CSF1R: variants seen among roughly 807,000 people sequenced by gnomAD.
CSF1R encodes macrophage colony-stimulating factor 1 receptor.
A neutral mutation model predicts 110.0 loss-of-function variants in CSF1R; 40 were observed. The observed-to-expected ratio is 0.36, with a 90% CI of 0.28 to 0.47. CSF1R has a LOEUF of 0.47. CSF1R is among the 20% of genes least tolerant of loss of function. CSF1R has a pLI of 0.99. For synonymous variants in CSF1R, 523 were observed against 503.4 expected (o/e 1.04, Z -0.52); for missense variants, 1,052 against 1,253.0 (o/e 0.84, Z 2.42).
chr5:150,098,805 C>T (rs1343599514), intron 1 of CSF1R, among the ~76,000 whole-genome samples: 1 of 151,582 alleles, frequency 6.6e-6, no homozygotes, highest in Non-Finnish European at 1.5e-5. Flanking sequence ...AATGAAATAC[C>T]ACTACATACT....
chr5:150,086,107 G>A (rs1046372905), intron 1 of CSF1R, among the ~76,000 whole-genome samples: 1 of 152,178 alleles, frequency 6.6e-6, no homozygotes, highest in Non-Finnish European at 1.5e-5. Context: ...GGACACTGAA[G>A]CCTCAAGAGT....
At position 150,073,420 on chromosome 5, in the gene CSF1R, G is replaced by A. The variant is rs2113815353; in HGVS notation, c.963C>T (p.Leu321=). 6.2e-7 allele frequency: 1 copy of A among 1,614,122 alleles called. No individual in the cohort carries two copies. Among genetic ancestry groups the A allele is most frequent in the South Asian group, 1.1e-5 (1 of 91,080 alleles). The change falls in exon 6 of 21, where the codon CTC becomes CTT. Residue 321 remains leucine (L), a synonymous_variant. Transcript: ENST00000675795. ...QEVTVGEGLN[L]KVMVEAYPGL... ...CTGGGTAGGCCTCCACCATGACTTTGAGGTTGAGCCCCTCCCCCACGGTCA... is the reference window on the plus strand; with the variant it reads ...CTGGGTAGGCCTCCACCATGACTTTAAGGTTGAGCCCCTCCCCCACGGTCA...
intron 18 of CSF1R, 94 bp downstream of exon 18, chr5:150,055,932 C>T (rs1757191924): frequency 1.2e-5 from 14 of 1,140,448 alleles, no homozygotes; most frequent in Admixed American, 9.0e-5. Context: ...CACCAACCCT[C>T]GCTGTGTCCT....
chr5:150,075,209 T>G (rs1013631696), intron 5 of CSF1R, among the ~76,000 whole-genome samples: 134 of 152,338 alleles, frequency 8.8e-4, no homozygotes, highest in African/African-American at 3.1e-3. Context: ...TCTGTCTCTC[T>G]CAACAATCCA....
chr5:150,097,128 G>A (rs553101090), intron 1 of CSF1R, among the ~76,000 whole-genome samples: 13 of 152,254 alleles, frequency 8.5e-5, no homozygotes, highest in African/African-American at 3.1e-4. Context: ...CTAGCATGGT[G>A]ATGCACACCT....
At chr5:150,076,966 T>G in intron 5 of CSF1R, 2 of 408,992 alleles carry the variant, frequency 4.9e-6, no homozygotes, top group East Asian at 5.1e-5. Flanking sequence ...AAGGAATGCA[T>G]GAAAGAATGA....
At chr5:150,065,355 T>C (rs1757715915) in intron 10 of CSF1R, among the ~76,000 whole-genome samples, 1 of 152,218 alleles carries the variant, frequency 6.6e-6, no homozygotes, top group Non-Finnish European at 1.5e-5. Context: ...GCAGCCTCCC[T>C]GGACCCTCCC....
rs149753251 is a variant in CSF1R, at chr5:150,070,260, G to A, written c.1241C>T (p.Ser414Phe). The A allele has an allele frequency of 8.1e-6, 13 of 1,614,044 alleles. No individual in the cohort carries two copies. The African/African-American group carries it at 1.3e-4, about 17-fold the overall frequency. Residue 414 changes from serine (S) to phenylalanine (F), a missense_variant, in exon 8 of 21, where the codon TCT becomes TTT. Ser to Phe is a radical substitution (Grantham distance 155, BLOSUM62 -2). This residue lies in a region of CSF1R where 693 missense variants were observed against 735.4 expected (regional missense o/e 0.94). Coordinates refer to ENST00000675795, the MANE Select transcript of CSF1R (RefSeq NM_001288705.3). Reference protein sequence around the residue: ...VSVIWTFINGSGTLLCAASGY... With the variant: ...VSVIWTFINGFGTLLCAASGY... ...AGAGGCAGCACACAAAAGGGTGCCAGAGCCGTTGATGAATGTCCATATGAC... is the reference window on the plus strand; with the variant it reads ...AGAGGCAGCACACAAAAGGGTGCCAAAGCCGTTGATGAATGTCCATATGAC...
chr5:150,079,664 C>T (rs1335841819), intron 3 of CSF1R, among the ~76,000 whole-genome samples: 3 of 152,240 alleles, frequency 2.0e-5, no homozygotes, highest in Non-Finnish European at 4.4e-5. Flanking sequence ...CTCACTGTCC[C>T]CCTGCTGAAG....
chr5:150,059,841 T>A lies in CSF1R; in HGVS notation c.1991A>T (p.Glu664Val), dbSNP rs746687451. 6.2e-7 allele frequency: 1 copy of A among 1,614,004 alleles called. No individual in the cohort carries two copies. ...THGGPVLVIT[E>V]YCCYGDLLNF... ...GAGCAGGTCGCCATAGCAACAGTAC[T>A]CCGTGATGACCAGTACAGGGCCTAG... The change falls in exon 14 of 21, where the codon GAG (glutamate) becomes GTG (valine). Residue 664 changes from glutamate (E) to valine (V), a missense_variant. Glu to Val is a moderately radical substitution (Grantham distance 121, BLOSUM62 -2). Transcript: ENST00000675795.
chr5:150,073,224 G>A, intron 6 of CSF1R, 77 bp downstream of exon 6: 1 of 1,455,884 alleles, frequency 6.9e-7, no homozygotes, highest in Admixed American at 1.9e-5. Context: ...TGGGACATGA[G>A]CCAAGCGTCC....
At chr5:150,112,399 G>A (rs751677765) in intron 1 of CSF1R, among the ~76,000 whole-genome samples, 2 of 152,228 alleles carry the variant, frequency 1.3e-5, no homozygotes, top group Non-Finnish European at 2.9e-5. Flanking sequence ...GTGGTAGTCA[G>A]ATTTTTATCA....
At chr5:150,059,946 C>T (rs2113788030) in intron 13 of CSF1R, 84 bp from the exon 14 acceptor site, 1 of 1,477,160 alleles carries the variant, frequency 6.8e-7, no homozygotes, top group Non-Finnish European at 9.2e-7. Context: ...GGCAGTGAGG[C>T]CACTGGACTT....
intron 1 of CSF1R, among the ~76,000 whole-genome samples, chr5:150,112,345 T>C (rs2113874591): frequency 1.3e-5 from 2 of 152,336 alleles, no homozygotes; most frequent in African/African-American, 4.8e-5. Context: ...AGCTAATGTG[T>C]GTGAAGCAAC....
chr5:150,096,836 A>G (rs1416804705), intron 1 of CSF1R, among the ~76,000 whole-genome samples: 2 of 152,350 alleles, frequency 1.3e-5, no homozygotes, highest in East Asian at 3.9e-4. Flanking sequence ...AAACCCTACC[A>G]CTAACATTAA....
intron 5 of CSF1R, among the ~76,000 whole-genome samples, chr5:150,075,681 G>T (rs533971992): frequency 2.0e-5 from 3 of 152,222 alleles, no homozygotes; most frequent in Non-Finnish European, 4.4e-5. Context: ...GTCGGGGGTT[G>T]TTGTATCTGT....
At chr5:150,074,777 C>T (rs910701749) in intron 5 of CSF1R, among the ~76,000 whole-genome samples, 1 of 152,116 alleles carries the variant, frequency 6.6e-6, no homozygotes, top group Non-Finnish European at 1.5e-5. Context: ...TTCAGCGTGG[C>T]GTTCAAGGCT....
Position 150,081,100 on chromosome 5 carries a change from G to A in CSF1R, c.50-76C>T, listed in dbSNP as rs530350504. The A allele has an allele frequency of 2.5e-5, 39 of 1,536,070 alleles. No individual in the cohort carries two copies. The East Asian group carries it at 8.1e-4, about 32-fold the overall frequency. On this transcript the variant is annotated intron_variant, in intron 1 of 20. Coordinates refer to ENST00000675795, the MANE Select transcript of CSF1R (RefSeq NM_001288705.3). Reference sequence around the variant, plus strand: ...TTGGGCCGTCCTGACTCTGAGATGGGTGGTAGCTTGGCAGGGATGGTGCTG... The same window carrying A: ...TTGGGCCGTCCTGACTCTGAGATGGATGGTAGCTTGGCAGGGATGGTGCTG...
rs1054264047 is a variant in CSF1R, at chr5:150,080,467, C to T, written c.308-131G>A. On this transcript the variant is annotated intron_variant, in intron 2 of 20. Coordinates refer to ENST00000675795, the MANE Select transcript of CSF1R (RefSeq NM_001288705.3). ...GAGGTCACACCACGCCAGGACAGTTCAGCGGATGCTTCAGCGTGGTGGCTC... is the reference window on the plus strand; with the variant it reads ...GAGGTCACACCACGCCAGGACAGTTTAGCGGATGCTTCAGCGTGGTGGCTC... 10 of 1,251,850 alleles carry T rather than the reference C, an allele frequency of 8.0e-6. No individual in the cohort carries two copies. In the African/African-American group the frequency reaches 1.3e-4, roughly 17 times the overall value. 77.5% of individuals were successfully genotyped at this position (1,251,850 alleles called of 1,614,324 possible).
Sources: gnomAD v4.1 joint callset for allele counts (sites outside exome capture counted in the v4.1 genomes callset) on GRCh38, gnomAD v4.1.1 for gene constraint, gnomAD v4.1.1 regional missense constraint, MANE v1.5 for transcripts, NCBI Gene and HGNC (gene_info 2026-07-23, HGNC 2026-07-21) for gene names.